The following TRIM55 variants were observed in gnomAD, a reference collection of about 807,000 sequenced individuals.
TRIM55 encodes the protein tripartite motif-containing protein 55.
Under a neutral mutation model 60.9 loss-of-function variants are expected in TRIM55, and 50 were observed. The observed-to-expected ratio is 0.82, with a 90% CI of 0.65 to 1.04. The LOEUF is 1.04. Among genes scored for constraint, TRIM55 ranks in the 50% least tolerant of loss-of-function variants. TRIM55 has a pLI of 0.00. For synonymous variants in TRIM55, 237 were observed against 238.1 expected, an observed-to-expected ratio of 1.00 and a Z score of 0.04; for missense variants, 681 against 666.9, an observed-to-expected ratio of 1.02 and a Z score of -0.23.
intron 3 of TRIM55, among the ~76,000 whole-genome samples, chr8:66,136,420 AAT>A (rs1809483770): frequency 6.6e-6 from 1 of 152,146 alleles, no homozygotes; most frequent in Non-Finnish European, 1.5e-5. Flanking sequence ...GTCAAAATTG[AAT>A]ATATGTTTTG....
intron 4 of TRIM55, among the ~76,000 whole-genome samples, chr8:66,140,160 A>G (rs7831234): frequency 0.18 from 27,013 of 152,144 alleles, 4,134 homozygotes; most frequent in African/African-American, 0.42. Context: ...TGCTCACACA[A>G]TGGAACTGCC....
At chr8:66,126,203 A>T (rs779283071), upstream of TRIM55, among the ~76,000 whole-genome samples, 1 of 152,248 alleles carries the variant, frequency 6.6e-6, no homozygotes, top group Non-Finnish European at 1.5e-5. Context: ...TCAGTTGTCA[A>T]TGGCACTGGT....
chr8:66,113,663 C>T, the TRIM55 span: 10 of 442,290 alleles, frequency 2.3e-5, no homozygotes, highest in Middle Eastern at 4.7e-4. Context: ...AGCTGTGGGT[C>T]TGCGCTTGGC....
intron 4 of TRIM55, among the ~76,000 whole-genome samples, chr8:66,139,623 G>A (rs899288726): frequency 1.3e-5 from 2 of 152,118 alleles, no homozygotes; most frequent in African/African-American, 4.8e-5. Flanking sequence ...CATTCTTATT[G>A]GCAATACAAT....
At chr8:66,114,251 C>T in the TRIM55 span, among the ~76,000 whole-genome samples, 214 of 152,224 alleles carry the variant, frequency 1.4e-3, 2 homozygotes, top group African/African-American at 4.7e-3. Flanking sequence ...GATCGATGCC[C>T]GCATCCTCCA....
At chr8:66,165,098 C>T (rs868337414) in intron 9 of TRIM55, among the ~76,000 whole-genome samples, 2 of 152,096 alleles carry the variant, frequency 1.3e-5, no homozygotes, top group African/African-American at 4.8e-5. Context: ...AACCAATACA[C>T]GTGTCCCCAG....
At chr8:66,114,867 A>G in the TRIM55 span, 1 of 314,398 alleles carries the variant, frequency 3.2e-6, no homozygotes, top group Non-Finnish European at 6.3e-6. Context: ...ACTGTGGAGA[A>G]TTAACTAGAG....
At chr8:66,139,112 C>T (rs1009040433) in intron 4 of TRIM55, among the ~76,000 whole-genome samples, 4 of 152,160 alleles carry the variant, frequency 2.6e-5, no homozygotes, top group African/African-American at 9.6e-5. Context: ...ACAGACAGTA[C>T]AAACTTTTTT....
chr8:66,149,604 T>A, intron 4 of TRIM55, 41 bp from the exon 5 acceptor site: 2 of 1,490,160 alleles, frequency 1.3e-6, no homozygotes, highest in Non-Finnish European at 1.9e-6. Flanking sequence ...AAATCGACTT[T>A]GTTTCAAATA....
chr8:66,130,401 AG>A, intron 2 of TRIM55, among the ~76,000 whole-genome samples: 1 of 152,344 alleles, frequency 6.6e-6, no homozygotes, highest in South Asian at 2.1e-4. Flanking sequence ...CAAGTTGCAC[AG>A]AGCACTTGGC....
At chr8:66,159,789 A>G (rs1810947226) in intron 9 of TRIM55, among the ~76,000 whole-genome samples, 1 of 152,164 alleles carries the variant, frequency 6.6e-6, no homozygotes, top group Admixed American at 6.5e-5. Flanking sequence ...ATTTTGACAA[A>G]GACTAATGGT....
the TRIM55 span, chr8:66,114,746 T>C: frequency 5.0e-6 from 2 of 401,448 alleles, no homozygotes; most frequent in Non-Finnish European, 9.8e-6. Context: ...AGATCCGAGG[T>C]GGATAGGACA....
intron 2 of TRIM55, among the ~76,000 whole-genome samples, chr8:66,131,907 C>T (rs1809179871): frequency 6.6e-6 from 1 of 152,178 alleles, no homozygotes; most frequent in South Asian, 2.1e-4. Flanking sequence ...ACTTTTTGTC[C>T]TTATTGATTT....
At chr8:66,114,452 G>C in the TRIM55 span, 8 of 442,738 alleles carry the variant, frequency 1.8e-5, no homozygotes, top group Admixed American at 7.3e-5. Context: ...TAATTGGGGG[G>C]AAATTCACGA....
chr8:66,163,563 A>C (rs1811161749), intron 9 of TRIM55, among the ~76,000 whole-genome samples: 1 of 152,186 alleles, frequency 6.6e-6, no homozygotes, highest in South Asian at 2.1e-4. Context: ...TTTCGTTTCC[A>C]GATATTTGAA....
the TRIM55 span, among the ~76,000 whole-genome samples, chr8:66,114,160 G>C: frequency 6.8e-6 from 1 of 147,092 alleles, no homozygotes; most frequent in Middle Eastern, 3.6e-3. Context: ...CTTCTCTAAA[G>C]GAACAGATAA....
At position 66,130,743 on chromosome 8, in the gene TRIM55, C is replaced by G. The variant is rs188419178; in HGVS notation, c.341+2267C>G. ...TGGCGTGATCTTGGCTCACTACAAG[C>G]TCTGCCTCCCAGGTTCACGCCATTC... On this transcript the variant is annotated intron_variant, in intron 2 of 9. Transcript: ENST00000315962. 2.6e-3 allele frequency among the ~76,000 whole-genome samples: 388 copies of G among 150,334 alleles called. 3 individuals carry two copies. The highest frequency in any genetic ancestry group is 9.1e-3 in the African/African-American group (371 of 40,684).
upstream of TRIM55, among the ~76,000 whole-genome samples, chr8:66,124,223 A>T (rs1808736617): frequency 6.6e-6 from 1 of 152,184 alleles, no homozygotes; most frequent in Non-Finnish European, 1.5e-5. Context: ...TCTGGTTTTT[A>T]GCCAGCCACC....
At chr8:66,116,038 A>AGTC in the TRIM55 span, among the ~76,000 whole-genome samples, 1 of 152,184 alleles carries the variant, frequency 6.6e-6, no homozygotes, top group African/African-American at 2.4e-5. Flanking sequence ...TGGGGGAATT[A>AGTC]GTCTAAGGGT....
Sources: allele counts gnomAD v4.1 joint callset (sites outside exome capture counted in the v4.1 genomes callset), GRCh38; gene constraint gnomAD v4.1.1; transcripts MANE v1.5; gene names NCBI Gene and HGNC (gene_info 2026-07-23, HGNC 2026-07-21).